Variants in CTSC observed in about 807,000 individuals in gnomAD.
CTSC encodes the protein dipeptidyl peptidase 1.
A neutral mutation model predicts 40.9 loss-of-function variants in CTSC; 37 were observed. That is an observed-to-expected ratio of 0.91 (90% CI 0.70 to 1.19). The LOEUF is 1.19. Among genes scored for constraint, CTSC ranks in the 50% most tolerant of loss-of-function variants. The pLI, the probability that CTSC is intolerant of heterozygous loss-of-function variation, is 0.00. For missense variants in CTSC, 594 were observed against 567.3 expected (o/e 1.05, Z -0.48); for synonymous variants, 232 against 207.4 (o/e 1.12, Z -1.02).
At chr11:88,326,030 A>G in intron 2 of CTSC, 2 of 1,066,324 alleles carry the variant, frequency 1.9e-6, no homozygotes, top group Non-Finnish European at 2.3e-6. Flanking sequence ...AATCCTGACA[A>G]TCTTAGAAAA....
intron 2 of CTSC, among the ~76,000 whole-genome samples, chr11:88,333,408 G>A (rs1938414141): frequency 6.6e-6 from 1 of 152,126 alleles, no homozygotes; most frequent in Non-Finnish European, 1.5e-5. Flanking sequence ...TGTCAAAGAA[G>A]AAGGGATAGA....
At chr11:88,307,535 G>GTAA (rs1231760699) in intron 4 of CTSC, among the ~76,000 whole-genome samples, 2 of 141,750 alleles carry the variant, frequency 1.4e-5, no homozygotes, top group South Asian at 4.9e-4. Context: ...CTGGTTGAGA[G>GTAA]TAATAGAGCT....
intron 4 of CTSC, among the ~76,000 whole-genome samples, chr11:88,306,908 C>T (rs553855504): frequency 1.5e-3 from 228 of 152,304 alleles, no homozygotes; most frequent in African/African-American, 5.4e-3. Flanking sequence ...CACTCCTAGA[C>T]ACTGCTGTGG....
At chr11:88,308,213 C>T (rs547047754) in intron 4 of CTSC, among the ~76,000 whole-genome samples, 6 of 152,200 alleles carry the variant, frequency 3.9e-5, no homozygotes, top group African/African-American at 4.8e-5. Context: ...GAAGTCATTT[C>T]GGCTACAGTT....
intron 3 of CTSC, among the ~76,000 whole-genome samples, chr11:88,309,850 T>A (rs1365395286): frequency 2.0e-5 from 3 of 147,252 alleles, no homozygotes; most frequent in Non-Finnish European, 3.0e-5. Context: ...ACACACACAC[T>A]ATAAATGCAT....
Position 88,328,575 on chromosome 11 carries a change from A to G in CTSC, c.318+6362T>C, listed in dbSNP as rs550580263. Among the ~76,000 whole-genome samples the G allele has an allele frequency of 6.6e-5, 10 of 152,336 alleles. No homozygotes were observed. In the South Asian group the frequency reaches 1.0e-3, roughly 16 times the overall value. On this transcript the variant is annotated intron_variant, in intron 2 of 6. Transcript: ENST00000227266. ...TGAAATTTATTAATCACTAGCACAC[A>G]AAGTGAGAAATTAAACCCTCTAGTA...
At chr11:88,319,394 C>T (rs1937947622) in intron 2 of CTSC, among the ~76,000 whole-genome samples, 1 of 151,966 alleles carries the variant, frequency 6.6e-6, no homozygotes, top group African/African-American at 2.4e-5. Context: ...TCCCTAATAC[C>T]AATTGATAAT....
At chr11:88,312,678 T>C in intron 2 of CTSC, 124 bp from the exon 3 acceptor site, 1 of 1,040,682 alleles carries the variant, frequency 9.6e-7, no homozygotes, top group South Asian at 1.4e-5. Flanking sequence ...CCTGAGAGGT[T>C]ACACTGTAAG....
At chr11:88,336,300 G>A (rs1357893394) in intron 1 of CTSC, among the ~76,000 whole-genome samples, 1 of 151,158 alleles carries the variant, frequency 6.6e-6, no homozygotes, top group Non-Finnish European at 1.5e-5. Flanking sequence ...CAGTACTTTG[G>A]GAGGCCGAGG....
At chr11:88,323,333 G>A (rs535060186) in intron 2 of CTSC, 2 of 152,266 alleles carry the variant, frequency 1.3e-5, no homozygotes, top group African/African-American at 4.8e-5. Context: ...GGCAAAAGCT[G>A]GAAGCATTCC....
chr11:88,323,958 C>T (rs557516133), intron 2 of CTSC: 60 of 152,226 alleles, frequency 3.9e-4, no homozygotes, highest in African/African-American at 1.4e-3. Flanking sequence ...ATAGCCAAGA[C>T]AATCCTAAGC....
chr11:88,319,455 G>C (rs1937949120), intron 2 of CTSC, among the ~76,000 whole-genome samples: 1 of 151,976 alleles, frequency 6.6e-6, no homozygotes, highest in African/African-American at 2.4e-5. Flanking sequence ...TAACAAAAAT[G>C]TGTCAAAATC....
At chr11:88,325,297 A>T in intron 2 of CTSC, 1 of 985,406 alleles carries the variant, frequency 1.0e-6, no homozygotes, top group Non-Finnish European at 1.2e-6. Flanking sequence ...TTGGTCTTCA[A>T]TGAAAAAACC....
At chr11:88,297,503 C>A (rs573483453) in intron 5 of CTSC, 1 of 152,360 alleles carries the variant, frequency 6.6e-6, no homozygotes, top group African/African-American at 2.4e-5. Context: ...AATAACACAA[C>A]CCAGGAGAGT....
intron 2 of CTSC, among the ~76,000 whole-genome samples, chr11:88,327,715 A>G (rs149238747): frequency 0.013 from 2,011 of 152,318 alleles, 24 homozygotes; most frequent in Non-Finnish European, 0.019. Context: ...GTGGCCTCAC[A>G]TGTTTCTCTC....
At chr11:88,301,566 G>GT (rs1218745523) in intron 4 of CTSC, among the ~76,000 whole-genome samples, 1 of 151,948 alleles carries the variant, frequency 6.6e-6, no homozygotes, top group East Asian at 1.9e-4. Flanking sequence ...CAAGAACCTG[G>GT]ACACCCTCAA....
chr11:88,296,057 CT>C, intron 6 of CTSC, 75 bp downstream of exon 6: 1 of 1,504,342 alleles, frequency 6.6e-7, no homozygotes. Context: ...CTGCATCATC[CT>C]TTTGCCTTTG....
chr11:88,301,696 T>C (rs1267704311), intron 4 of CTSC, among the ~76,000 whole-genome samples: 1 of 152,096 alleles, frequency 6.6e-6, no homozygotes, highest in African/African-American at 2.4e-5. Flanking sequence ...GAGAGTTGCC[T>C]AGGCCCATGA....
Position 88,324,265 on chromosome 11 carries a change from A to G in CTSC, c.318+10672T>C, listed in dbSNP as rs181857582. ...TACAAAAATTAACTCAAGATGGATTAAAGACTTAAATGTAAAACCCAAAAC... is the reference window on the plus strand; with the variant it reads ...TACAAAAATTAACTCAAGATGGATTGAAGACTTAAATGTAAAACCCAAAAC... On this transcript the variant is annotated intron_variant, in intron 2 of 6. Coordinates refer to ENST00000227266, the MANE Select transcript of CTSC (RefSeq NM_001814.6). The G allele has an allele frequency of 7.6e-3, 4,047 of 532,216 alleles. 22 individuals carry two copies. The highest frequency in any genetic ancestry group is 9.1e-3 in the Non-Finnish European group (3,768 of 416,090). 33.0% of individuals were successfully genotyped at this position (532,216 alleles called of 1,614,324 possible). A position where few individuals can be genotyped will look rare whatever the true frequency, so the allele number is the denominator to read the frequency against.
Sources: allele counts gnomAD v4.1 joint callset (sites outside exome capture counted in the v4.1 genomes callset), GRCh38; gene constraint gnomAD v4.1.1; transcripts MANE v1.5; gene names NCBI Gene and HGNC (gene_info 2026-07-23, HGNC 2026-07-21).